The following THADA variants were observed in gnomAD, a reference collection of about 807,000 sequenced individuals.
THADA encodes THADA armadillo repeat containing.
A neutral mutation model predicts 219.8 loss-of-function variants in THADA; 213 were observed. The ratio of observed to expected loss-of-function variants is 0.97; its 90% CI spans 0.87 to 1.09. THADA has a LOEUF of 1.09. Among genes scored for constraint, THADA ranks in the 50% least tolerant of loss-of-function variants. The pLI is 0.00. For synonymous variants in THADA, 1,018 were observed against 828.9 expected, an observed-to-expected ratio of 1.23 and a Z score of -3.92; for missense variants, 2,956 against 2,311.3, an observed-to-expected ratio of 1.28 and a Z score of -5.72.
chr2:43,397,075 T>C (rs964391965), intron 29 of THADA, among the ~76,000 whole-genome samples: 2 of 152,272 alleles, frequency 1.3e-5, no homozygotes, highest in East Asian at 1.9e-4. Flanking sequence ...AATGAAGACA[T>C]GGATGTATAA....
chr2:43,510,689 G>A lies in THADA; in HGVS notation c.3375-1909C>T, dbSNP rs560599454. The stretch of plus-strand genomic sequence containing the variant: ...AAAAAAAAAAAAAAAAAATTGGGCC[G>A]GGTGAGCACAGTGGCTCACACCTGT... On this transcript the variant is annotated intron_variant, in intron 22 of 37. Coordinates refer to ENST00000405975, the MANE Select transcript of THADA (RefSeq NM_022065.5). Among the ~76,000 whole-genome samples, 10 of 150,024 alleles carry A rather than the reference G, an allele frequency of 6.7e-5. No individual in the cohort carries two copies. In the South Asian group the frequency reaches 1.3e-3, roughly 19 times the overall value.
intron 30 of THADA, chr2:43,333,332 T>C (rs1291996234): frequency 6.6e-6 from 1 of 152,160 alleles, no homozygotes; most frequent in Admixed American, 6.6e-5. Context: ...TCTCTCATCA[T>C]TCAAATCTGC....
At chr2:43,412,909 C>T (rs1478215422) in intron 28 of THADA, among the ~76,000 whole-genome samples, 2 of 152,054 alleles carry the variant, frequency 1.3e-5, no homozygotes, top group Non-Finnish European at 2.9e-5. Flanking sequence ...AAAGAAAACA[C>T]TAAATTTAAA....
intron 28 of THADA, among the ~76,000 whole-genome samples, chr2:43,405,555 T>G (rs986036136): frequency 1.3e-5 from 2 of 152,212 alleles, no homozygotes; most frequent in African/African-American, 4.8e-5. Context: ...TAGTTGCTCC[T>G]TTTCCTGCAA....
chr2:43,560,373 G>A lies in THADA; in HGVS notation c.2324C>T (p.Thr775Ile). ...AATATCATGACTCAGCTGATATACT[G>A]TATAAATTCTGCCTAAAAATATTTT... is the stretch of plus-strand genomic sequence containing the variant. ...VFHVPEGRIY[T>I]VYQLSHDIDV... is the part of the protein sequence containing the mutation. The change falls in exon 16 of 38, where the codon ACA becomes ATA. Residue 775 changes from threonine (T) to isoleucine (I), a missense_variant. Coordinates refer to ENST00000405975, the MANE Select transcript of THADA (RefSeq NM_022065.5). 1.3e-6 allele frequency: 2 copies of A among 1,545,884 alleles called. No homozygotes were observed. Among genetic ancestry groups the A allele is most frequent in the Non-Finnish European group, 1.7e-6 (2 of 1,148,260 alleles).
chr2:43,498,432 G>A (rs1667942333), intron 25 of THADA, among the ~76,000 whole-genome samples: 1 of 152,194 alleles, frequency 6.6e-6, no homozygotes, highest in Admixed American at 6.5e-5. Context: ...ACAATGTAGT[G>A]TAAGTTTACA....
At chr2:43,438,044 G>A (rs951005857) in intron 26 of THADA, among the ~76,000 whole-genome samples, 1 of 152,118 alleles carries the variant, frequency 6.6e-6, no homozygotes, top group African/African-American at 2.4e-5. Context: ...GCTCACGCCT[G>A]TAATCCCAGC....
chr2:43,553,934 T>C (rs574487646), intron 17 of THADA, among the ~76,000 whole-genome samples: 2 of 152,208 alleles, frequency 1.3e-5, no homozygotes, highest in Admixed American at 6.5e-5. Flanking sequence ...AAAATGTCTA[T>C]TCAGATTCTT....
Position 43,477,813 on chromosome 2 carries a change from C to T in THADA, c.3836+7421G>A, listed in dbSNP as rs148223715. On this transcript the variant is annotated intron_variant, in intron 26 of 37. Transcript: ENST00000405975. ...ATGAATGACTGAATGAACACTTCCA[C>T]ATGTCCTCTCTTTCCTCATCTGATT... 4.7e-3 allele frequency among the ~76,000 whole-genome samples: 717 copies of T among 152,362 alleles called. 2 individuals carry two copies. The highest frequency in any genetic ancestry group is 0.016 in the African/African-American group (684 of 41,582).
intron 23 of THADA, among the ~76,000 whole-genome samples, chr2:43,507,748 T>A (rs911061847): frequency 1.3e-5 from 2 of 152,234 alleles, no homozygotes; most frequent in South Asian, 4.1e-4. Context: ...AATCTTACTA[T>A]ATATTAACCA....
rs1051687650 is a variant in THADA, at chr2:43,248,039, T to C, written c.5297-15157A>G. On this transcript the variant is annotated intron_variant, in intron 36 of 37. Coordinates refer to ENST00000405975, the MANE Select transcript of THADA (RefSeq NM_022065.5). ...GCCTGGGCGTCAGAGCAAAACCCTA[T>C]CTTAAAGCAAAACAAAACAAACAAA... 5.4e-5 allele frequency among the ~76,000 whole-genome samples: 8 copies of C among 148,608 alleles called. No individual in the cohort carries two copies. The East Asian group carries it at 1.6e-3, about 29-fold the overall frequency.
intron 26 of THADA, among the ~76,000 whole-genome samples, chr2:43,446,021 C>T (rs975710160): frequency 1.1e-4 from 16 of 152,232 alleles, no homozygotes; most frequent in African/African-American, 3.9e-4. Flanking sequence ...CCAGGAAACA[C>T]ATTTCCACTC....
At chr2:43,497,558 A>C (rs1042100142) in intron 25 of THADA, among the ~76,000 whole-genome samples, 1 of 152,158 alleles carries the variant, frequency 6.6e-6, no homozygotes, top group African/African-American at 2.4e-5. Flanking sequence ...GAGGGAGAAC[A>C]TCAGGACAAA....
At chr2:43,560,122 C>T in intron 16 of THADA, 112 bp downstream of exon 16, 1 of 914,856 alleles carries the variant, frequency 1.1e-6, no homozygotes, top group South Asian at 2.3e-5. Flanking sequence ...AGAAACAGTC[C>T]AAAAACATGA....
chr2:43,272,354 C>G (rs1672223761), intron 36 of THADA, among the ~76,000 whole-genome samples: 1 of 152,112 alleles, frequency 6.6e-6, no homozygotes, highest in South Asian at 2.1e-4. Flanking sequence ...AAGAAGTGAG[C>G]CTGAATTGCA....
At chr2:43,485,437 G>A in intron 25 of THADA, 112 bp from the exon 26 acceptor site, 3 of 725,174 alleles carry the variant, frequency 4.1e-6, no homozygotes, top group South Asian at 1.8e-5. Flanking sequence ...CTAGTGTGAG[G>A]CTAAAAAGAC....
intron 36 of THADA, among the ~76,000 whole-genome samples, chr2:43,274,260 CG>C (rs1054593010): frequency 5.3e-5 from 8 of 152,174 alleles, no homozygotes; most frequent in Non-Finnish European, 1.2e-4. Flanking sequence ...CTACCAGACC[CG>C]GACAGTGTGC....
Position 43,581,911 on chromosome 2 carries a change from T to C in THADA, c.551A>G (p.His184Arg). 1 of 1,543,576 alleles carries C rather than the reference T, an allele frequency of 6.5e-7. No individual in the cohort carries two copies. The highest frequency in any genetic ancestry group is 8.7e-7 in the Non-Finnish European group (1 of 1,151,526). The change falls in exon 8 of 38, where the codon CAT (histidine) becomes CGT (arginine). Residue 184 changes from histidine to arginine, a missense_variant. Coordinates refer to ENST00000405975, the MANE Select transcript of THADA (RefSeq NM_022065.5). ...ATTCATCAACTGTGTTTGAATAATA[T>C]GATTTCCAGCACATTTTCTATAAAG... ...LEENRKCAGNHIIQTQLMNDL... is the reference protein window; with the variant it reads ...LEENRKCAGNRIIQTQLMNDL...
intron 29 of THADA, among the ~76,000 whole-genome samples, chr2:43,377,488 G>A (rs1671512156): frequency 1.3e-5 from 2 of 152,168 alleles, no homozygotes; most frequent in South Asian, 4.1e-4. Flanking sequence ...GAGCCAGGGT[G>A]ATAGATGAGG....
Sources: allele counts gnomAD v4.1 joint callset (sites outside exome capture counted in the v4.1 genomes callset), GRCh38; gene constraint gnomAD v4.1.1; transcripts MANE v1.5; gene names NCBI Gene and HGNC (gene_info 2026-07-23, HGNC 2026-07-21).